ERGIC1: variants seen among roughly 807,000 people sequenced by gnomAD.
ERGIC1 encodes the protein endoplasmic reticulum-Golgi intermediate compartment protein 1.
In ERGIC1, 19 loss-of-function variants were observed where a neutral mutation model predicts 38.3. That is an observed-to-expected ratio of 0.50 (90% CI 0.35 to 0.73). The LOEUF (loss-of-function observed/expected upper bound fraction) is 0.73, where lower values mean the gene tolerates loss of function less well. Ranked by LOEUF, ERGIC1 falls within the 30% of genes least tolerant of loss-of-function variation. The pLI is 0.01. For synonymous variants in ERGIC1, 124 were observed against 157.6 expected (o/e 0.79, Z 1.60); for missense variants, 294 against 389.2 (o/e 0.76, Z 2.06).
intron 1 of ERGIC1, among the ~76,000 whole-genome samples, chr5:172,857,873 C>T (rs973852246): frequency 2.0e-5 from 3 of 152,124 alleles, no homozygotes; most frequent in Admixed American, 6.6e-5. Flanking sequence ...GCTGTTCATT[C>T]GCTCATTCAT....
At chr5:172,904,266 T>C (rs1473738724) in intron 3 of ERGIC1, among the ~76,000 whole-genome samples, 1 of 152,266 alleles carries the variant, frequency 6.6e-6, no homozygotes, top group Non-Finnish European at 1.5e-5. Context: ...ATCACTCTGA[T>C]GAAGACATAA....
At chr5:172,943,693 G>C (rs760157838) in intron 9 of ERGIC1, among the ~76,000 whole-genome samples, 2 of 152,198 alleles carry the variant, frequency 1.3e-5, no homozygotes, top group South Asian at 4.1e-4. Flanking sequence ...CAGGGCCACA[G>C]AGCTGGGATT....
At chr5:172,897,443 A>AAAAAAGAG (rs780361647) in intron 3 of ERGIC1, among the ~76,000 whole-genome samples, 17,691 of 141,148 alleles carry the variant, frequency 0.13, 1,319 homozygotes, top group East Asian at 0.24. Flanking sequence ...AAAAAAAAAA[A>AAAAAAGAG]AGAGAGAGAG....
At chr5:172,895,362 C>A (rs185889650) in intron 2 of ERGIC1, among the ~76,000 whole-genome samples, 81 of 152,278 alleles carry the variant, frequency 5.3e-4, no homozygotes, top group Non-Finnish European at 1.1e-3. Context: ...TTAAGTAACT[C>A]ACTTAGGGCC....
intron 3 of ERGIC1, chr5:172,905,167 GGCCCA>G (rs1316702678): frequency 8.8e-5 from 21 of 238,958 alleles, no homozygotes; most frequent in Admixed American, 8.4e-4. Flanking sequence ...GCTGTGCGGA[GGCCCA>G]GCCTCGCCAG....
chr5:172,929,916 G>C (rs758202196), intron 7 of ERGIC1, among the ~76,000 whole-genome samples: 1 of 152,146 alleles, frequency 6.6e-6, no homozygotes, highest in East Asian at 1.9e-4. Context: ...GGCTGGGCGC[G>C]GTGGCTAACG....
chr5:172,940,547 G>T (rs570760595), intron 9 of ERGIC1, among the ~76,000 whole-genome samples: 4 of 152,198 alleles, frequency 2.6e-5, no homozygotes, highest in African/African-American at 9.6e-5. Context: ...TCCTTGCATG[G>T]TTTATTTTAT....
chr5:172,940,686 T>G (rs1333071571), intron 9 of ERGIC1, among the ~76,000 whole-genome samples: 2 of 152,116 alleles, frequency 1.3e-5, no homozygotes, highest in Non-Finnish European at 2.9e-5. Flanking sequence ...CCTGTCATTC[T>G]TGGAGAGTTG....
At chr5:172,909,564 A>G (rs1373023227) in intron 3 of ERGIC1, 103 bp from the exon 4 acceptor site, 2 of 1,043,390 alleles carry the variant, frequency 1.9e-6, no homozygotes, top group Non-Finnish European at 3.0e-6. Context: ...AGTCTGGGTT[A>G]TCTAAGTTGT....
At chr5:172,935,689 A>AT (rs139755814) in intron 9 of ERGIC1, 86 of 175,132 alleles carry the variant, frequency 4.9e-4, no homozygotes, top group Non-Finnish European at 5.9e-4. Flanking sequence ...GATTGAACTC[A>AT]TTTTTTTTTC....
intron 6 of ERGIC1, among the ~76,000 whole-genome samples, chr5:172,925,347 C>T (rs939869028): frequency 3.9e-5 from 6 of 152,194 alleles, no homozygotes; most frequent in Non-Finnish European, 8.8e-5. Flanking sequence ...CTGTAACCAC[C>T]GTTCTCATGG....
chr5:172,896,913 T>C, intron 2 of ERGIC1, 89 bp from the exon 3 acceptor site: 1 of 1,246,114 alleles, frequency 8.0e-7, no homozygotes, highest in Non-Finnish European at 1.2e-6. Flanking sequence ...ACCCTTGTCC[T>C]GGGGCCTCTT....
rs527320292 is a variant in ERGIC1, at chr5:172,875,516, C to G, written c.21-13183C>G. Among the ~76,000 whole-genome samples, 5 of 152,252 alleles carry G rather than the reference C, an allele frequency of 3.3e-5. No homozygotes were observed. The South Asian group carries it at 1.0e-3, about 32-fold the overall frequency. Reference sequence around the variant, plus strand: ...GTCAGAGCAATGGTATATGGCCACCCCATGCCACAAAGGAGGCTGGGAAAG... The same window carrying G: ...GTCAGAGCAATGGTATATGGCCACCGCATGCCACAAAGGAGGCTGGGAAAG... On this transcript the variant is annotated intron_variant, in intron 1 of 9. Transcript: ENST00000393784.
At chr5:172,868,668 C>G (rs1761931174) in intron 1 of ERGIC1, among the ~76,000 whole-genome samples, 1 of 152,094 alleles carries the variant, frequency 6.6e-6, no homozygotes, top group African/African-American at 2.4e-5. Context: ...TGTACAACAC[C>G]AAGAGTGACC....
At chr5:172,920,128 C>G (rs1012530737) in intron 5 of ERGIC1, among the ~76,000 whole-genome samples, 3 of 152,172 alleles carry the variant, frequency 2.0e-5, no homozygotes, top group Non-Finnish European at 4.4e-5. Flanking sequence ...CCAGCTGTGT[C>G]TGTGTGCCCC....
intron 9 of ERGIC1, chr5:172,937,661 C>G (rs1763916591): frequency 6.6e-6 from 1 of 151,392 alleles, no homozygotes; most frequent in Non-Finnish European, 1.5e-5. Context: ...CAGTGAGACC[C>G]GGTCTCAGAA....
intron 1 of ERGIC1, among the ~76,000 whole-genome samples, chr5:172,858,205 C>T (rs868267106): frequency 2.0e-5 from 3 of 152,184 alleles, no homozygotes; most frequent in South Asian, 4.1e-4. Context: ...AGAGCATGGG[C>T]AAAGGCCCTG....
chr5:172,920,303 C>T (rs1055334779), intron 5 of ERGIC1: 5 of 717,352 alleles, frequency 7.0e-6, no homozygotes, highest in East Asian at 2.7e-5. Flanking sequence ...AGCCAGCCCC[C>T]GCACCTCTCT....
At position 172,932,282 on chromosome 5, in the gene ERGIC1, A is replaced by G. The variant is rs554945801; in HGVS notation, c.542-154A>G. ...AGAGTCTCCCAATTCCCGGTATCCA[A>G]GGGGAGAAGATGAAGAGCAGTTGGT... On this transcript the variant is annotated intron_variant, in intron 7 of 9. Coordinates refer to ENST00000393784, the MANE Select transcript of ERGIC1 (RefSeq NM_001031711.3). Among the ~76,000 whole-genome samples the G allele has an allele frequency of 1.6e-3, 249 of 152,336 alleles. No homozygotes were observed. Among genetic ancestry groups the G allele is most frequent in the Non-Finnish European group, 2.7e-3 (186 of 68,028 alleles).
Sources: gnomAD v4.1 joint callset for allele counts (sites outside exome capture counted in the v4.1 genomes callset) on GRCh38, gnomAD v4.1.1 for gene constraint, MANE v1.5 for transcripts, NCBI Gene and HGNC (gene_info 2026-07-23, HGNC 2026-07-21) for gene names.